Variants in ADK observed in about 807,000 individuals in gnomAD.
ADK encodes N6,N6-dimethyladenosine kinase.
In ADK, 24 loss-of-function variants were observed where a neutral mutation model predicts 44.7. The ratio of observed to expected loss-of-function variants is 0.54; its 90% CI spans 0.39 to 0.76. The LOEUF is 0.76. Among genes scored for constraint, ADK ranks in the 30% least tolerant of loss-of-function variants. The pLI is 0.00. For synonymous variants in ADK, 128 were observed against 142.6 expected (o/e 0.90, Z 0.73); for missense variants, 321 against 425.1 (o/e 0.76, Z 2.15).
chr10:74,227,821 T>G (rs1039104130), intron 3 of ADK, among the ~76,000 whole-genome samples: 7 of 151,844 alleles, frequency 4.6e-5, no homozygotes, highest in African/African-American at 1.5e-4. Context: ...CCAGCCTGGG[T>G]GACAGGGCGA....
intron 6 of ADK, among the ~76,000 whole-genome samples, chr10:74,476,854 G>A (rs73272211): frequency 0.036 from 5,405 of 152,160 alleles, 284 homozygotes; most frequent in African/African-American, 0.11. Context: ...TCTGTAGTTT[G>A]GCATTTTCTA....
intron 6 of ADK, among the ~76,000 whole-genome samples, chr10:74,454,625 G>A (rs1845880219): frequency 6.6e-6 from 1 of 152,112 alleles, no homozygotes; most frequent in African/African-American, 2.4e-5. Context: ...ATATGTACAT[G>A]ACTGGGGCCT....
At chr10:74,547,118 A>G (rs1480355787) in intron 7 of ADK, among the ~76,000 whole-genome samples, 2 of 152,268 alleles carry the variant, frequency 1.3e-5, no homozygotes, top group East Asian at 1.9e-4. Context: ...AGAAGAGTAC[A>G]GAGTTCTCTC....
At chr10:74,649,260 G>A (rs1164394660) in intron 9 of ADK, among the ~76,000 whole-genome samples, 1 of 152,094 alleles carries the variant, frequency 6.6e-6, no homozygotes, top group Non-Finnish European at 1.5e-5. Context: ...GTTTTCTCTA[G>A]TTTTGTTAAA....
intron 6 of ADK, among the ~76,000 whole-genome samples, chr10:74,448,465 A>G (rs1354835744): frequency 6.6e-6 from 1 of 152,190 alleles, no homozygotes; most frequent in Non-Finnish European, 1.5e-5. Flanking sequence ...GTGTATATAT[A>G]TACGCATATA....
At chr10:74,434,487 C>T (rs534248250) in intron 6 of ADK, among the ~76,000 whole-genome samples, 2 of 152,280 alleles carry the variant, frequency 1.3e-5, no homozygotes, top group African/African-American at 4.8e-5. Context: ...ACAACAACCT[C>T]ATTCTATTAA....
chr10:74,200,640 A>G (rs1843344932), intron 1 of ADK, 124 bp from the exon 2 acceptor site: 1 of 712,332 alleles, frequency 1.4e-6, no homozygotes, highest in Non-Finnish European at 2.5e-6. Context: ...TCAAATGTTT[A>G]ATAAACTGGT....
At chr10:74,372,165 G>C (rs752561282) in intron 4 of ADK, 2 of 754,022 alleles carry the variant, frequency 2.7e-6, no homozygotes, top group Non-Finnish European at 4.9e-6. Flanking sequence ...GACTGAAAAA[G>C]CAGAGCAGCC....
chr10:74,372,882 A>G (rs932867401), intron 4 of ADK, among the ~76,000 whole-genome samples: 2 of 152,212 alleles, frequency 1.3e-5, no homozygotes, highest in Non-Finnish European at 2.9e-5. Context: ...GACCCAGTAT[A>G]GCCAAAACAA....
intron 9 of ADK, among the ~76,000 whole-genome samples, chr10:74,647,413 G>C (rs1854093209): frequency 6.6e-6 from 1 of 152,086 alleles, no homozygotes; most frequent in Non-Finnish European, 1.5e-5. Context: ...TTGATCTGTA[G>C]TTATTTATGT....
chr10:74,539,184 T>TTTTATTTA (rs976119657), intron 7 of ADK, among the ~76,000 whole-genome samples: 1 of 152,192 alleles, frequency 6.6e-6, no homozygotes, highest in Non-Finnish European at 1.5e-5. Context: ...AGTCTAGTTC[T>TTTTATTTA]TTTATTTATT....
chr10:74,388,160 G>C (rs1843209151), intron 4 of ADK, among the ~76,000 whole-genome samples: 1 of 152,298 alleles, frequency 6.6e-6, no homozygotes, highest in South Asian at 2.1e-4. Flanking sequence ...GCCTGCCTCG[G>C]CTTCCCAAAG....
At chr10:74,579,443 G>T (rs1851304330) in intron 7 of ADK, among the ~76,000 whole-genome samples, 1 of 152,094 alleles carries the variant, frequency 6.6e-6, no homozygotes, top group Non-Finnish European at 1.5e-5. Flanking sequence ...AGAGTGGCCA[G>T]ATTTATCCTC....
At chr10:74,200,923 C>A in intron 2 of ADK, 85 bp downstream of exon 2, 2 of 914,574 alleles carry the variant, frequency 2.2e-6, no homozygotes, top group Non-Finnish European at 1.8e-6. Context: ...AATTTACCAC[C>A]GAATGTCTTC....
At chr10:74,635,319 C>T (rs905433144) in intron 9 of ADK, among the ~76,000 whole-genome samples, 3 of 152,170 alleles carry the variant, frequency 2.0e-5, no homozygotes, top group Admixed American at 6.5e-5. Context: ...GAAAGTGGAA[C>T]ATCTTTGAAG....
At chr10:74,399,569 T>C (rs1592153257) in intron 6 of ADK, among the ~76,000 whole-genome samples, 1 of 151,966 alleles carries the variant, frequency 6.6e-6, no homozygotes, top group East Asian at 1.9e-4. Flanking sequence ...TGCTATCTTT[T>C]CTGCCAGTAT....
chr10:74,523,779 C>T (rs1312751187), intron 6 of ADK, among the ~76,000 whole-genome samples: 1 of 152,158 alleles, frequency 6.6e-6, no homozygotes, highest in East Asian at 1.9e-4. Context: ...TCTTCTTTGC[C>T]TTCCACATCT....
At chr10:74,430,476 T>G (rs114331360) in intron 6 of ADK, among the ~76,000 whole-genome samples, 2,856 of 152,240 alleles carry the variant, frequency 0.019, 75 homozygotes, top group African/African-American at 0.055. Context: ...AATTTTTGGC[T>G]GGGCGTAATG....
intron 3 of ADK, among the ~76,000 whole-genome samples, chr10:74,225,615 G>A (rs1395569864): frequency 1.3e-5 from 2 of 152,056 alleles, no homozygotes; most frequent in Non-Finnish European, 2.9e-5. Flanking sequence ...AACATAAATT[G>A]TTAATTATAA....
Sources: allele counts gnomAD v4.1 joint callset (sites outside exome capture counted in the v4.1 genomes callset), GRCh38; gene constraint gnomAD v4.1.1; transcripts MANE v1.5; gene names NCBI Gene and HGNC (gene_info 2026-07-23, HGNC 2026-07-21).